The following ARK2C variants were observed in gnomAD, a reference collection of about 807,000 sequenced individuals.
ARK2C encodes arkadia (RNF111) C-terminal like ring finger ubiquitin ligase 2C.
At chr18:46,428,632 G>C in the ARK2C span, among the ~76,000 whole-genome samples, 4 of 152,168 alleles carry the variant, frequency 2.6e-5, no homozygotes, top group African/African-American at 9.7e-5. Flanking sequence ...TGAGGCTAGG[G>C]CGAATTGACA....
the ARK2C span, among the ~76,000 whole-genome samples, chr18:46,415,409 C>T: frequency 6.6e-6 from 1 of 151,808 alleles, no homozygotes; most frequent in Non-Finnish European, 1.5e-5. Context: ...GCCTATAGTC[C>T]CAGCTACTCG....
At chr18:46,406,409 CTCTGAGGACTGGAAG>C in the ARK2C span, among the ~76,000 whole-genome samples, 2 of 152,230 alleles carry the variant, frequency 1.3e-5, no homozygotes, top group Admixed American at 1.3e-4. Context: ...GGAATCCAGC[CTCTGAGGACTGGAAG>C]CCCTTCTGGT....
the ARK2C span, among the ~76,000 whole-genome samples, chr18:46,381,377 T>C: frequency 6.6e-6 from 1 of 152,218 alleles, no homozygotes; most frequent in Non-Finnish European, 1.5e-5. Flanking sequence ...TCTCCCCGCT[T>C]CCTGGGCCTC....
At chr18:46,400,348 C>T in the ARK2C span, among the ~76,000 whole-genome samples, 1 of 152,332 alleles carries the variant, frequency 6.6e-6, no homozygotes. Context: ...TTCCCCGGAA[C>T]AGGGATTGGA....
chr18:46,342,508 C>T, the ARK2C span, among the ~76,000 whole-genome samples: 1 of 152,210 alleles, frequency 6.6e-6, no homozygotes, highest in Non-Finnish European at 1.5e-5. Context: ...GCATGGTGGA[C>T]CAGAAACTCT....
chr18:46,450,480 C>A, the ARK2C span: 1 of 1,086,468 alleles, frequency 9.2e-7, no homozygotes, highest in Non-Finnish European at 1.4e-6. Context: ...CCCACCTCTG[C>A]TGGTGAGTAG....
chr18:46,416,926 G>A, the ARK2C span, among the ~76,000 whole-genome samples: 1 of 152,246 alleles, frequency 6.6e-6, no homozygotes, highest in Admixed American at 6.5e-5. Context: ...CCAGAGGCAA[G>A]GGGTGGGAAA....
At chr18:46,398,517 G>C in the ARK2C span, among the ~76,000 whole-genome samples, 1 of 152,056 alleles carries the variant, frequency 6.6e-6, no homozygotes, top group Non-Finnish European at 1.5e-5. Flanking sequence ...AGCAAATCTG[G>C]ACAGTGTCCG....
the ARK2C span, among the ~76,000 whole-genome samples, chr18:46,421,501 A>G: frequency 6.6e-6 from 1 of 152,188 alleles, no homozygotes; most frequent in Admixed American, 6.5e-5. Context: ...TTCTGACCAC[A>G]TATGCCTTCC....
chr18:46,424,127 A>G, the ARK2C span, among the ~76,000 whole-genome samples: 20 of 152,320 alleles, frequency 1.3e-4, no homozygotes, highest in African/African-American at 4.8e-4. Flanking sequence ...AATGCCACAA[A>G]TCAGATGGAG....
the ARK2C span, chr18:46,447,408 C>G: frequency 1.3e-6 from 1 of 783,128 alleles, no homozygotes; most frequent in Non-Finnish European, 2.1e-6. Context: ...TTCCTTCCCT[C>G]TGAAGAGAGA....
chr18:46,374,020 G>C, the ARK2C span, among the ~76,000 whole-genome samples: 1 of 151,956 alleles, frequency 6.6e-6, no homozygotes, highest in Admixed American at 6.5e-5. Context: ...AATTACTCCT[G>C]GTGTTCTTTT....
At chr18:46,411,979 C>G in the ARK2C span, among the ~76,000 whole-genome samples, 2 of 152,354 alleles carry the variant, frequency 1.3e-5, no homozygotes, top group Admixed American at 1.3e-4. Context: ...GGCTAAAAGC[C>G]TCTTGTCAGC....
the ARK2C span, among the ~76,000 whole-genome samples, chr18:46,348,602 G>T: frequency 6.6e-6 from 1 of 152,180 alleles, no homozygotes; most frequent in South Asian, 2.1e-4. Flanking sequence ...GTATCTGGGA[G>T]ACCTCCTGGA....
the ARK2C span, chr18:46,450,312 G>A: frequency 8.1e-6 from 13 of 1,613,960 alleles, no homozygotes; most frequent in African/African-American, 1.3e-5. Flanking sequence ...CATGAAATCC[G>A]AAACTACCCT....
chr18:46,374,452 C>T, the ARK2C span, among the ~76,000 whole-genome samples: 1 of 152,084 alleles, frequency 6.6e-6, no homozygotes, highest in Admixed American at 6.5e-5. Context: ...AGCCTTTATT[C>T]CACTTTCTGT....
At chr18:46,441,728 A>C in the ARK2C span, among the ~76,000 whole-genome samples, 1 of 151,506 alleles carries the variant, frequency 6.6e-6, no homozygotes, top group Middle Eastern at 3.4e-3. Flanking sequence ...CTCTACTAAA[A>C]ATACAAAAAA....
chr18:46,378,863 C>G, the ARK2C span, among the ~76,000 whole-genome samples: 1 of 152,168 alleles, frequency 6.6e-6, no homozygotes, highest in Non-Finnish European at 1.5e-5. Context: ...AGGTGCCCCT[C>G]CTATGAAGCA....
At chr18:46,432,665 T>A in the ARK2C span, among the ~76,000 whole-genome samples, 1 of 152,224 alleles carries the variant, frequency 6.6e-6, no homozygotes, top group South Asian at 2.1e-4. Flanking sequence ...TCATTAAAGA[T>A]ACACTTCCCC....
Sources: gnomAD v4.1 joint callset for allele counts (sites outside exome capture counted in the v4.1 genomes callset) on GRCh38, gnomAD v4.1.1 for gene constraint, MANE v1.5 for transcripts, NCBI Gene and HGNC (gene_info 2026-07-23, HGNC 2026-07-21) for gene names.